Variants in LRRTM4 observed in about 807,000 individuals in gnomAD.
LRRTM4 encodes the protein leucine-rich repeat transmembrane neuronal protein 4.
A neutral mutation model predicts 47.6 loss-of-function variants in LRRTM4; 25 were observed. The ratio of observed to expected loss-of-function variants is 0.53; its 90% CI spans 0.38 to 0.73. The LOEUF (loss-of-function observed/expected upper bound fraction) is 0.73, where lower values mean the gene tolerates loss of function less well. Among genes scored for constraint, LRRTM4 ranks in the 30% least tolerant of loss-of-function variants. The pLI is 0.00. For synonymous variants in LRRTM4, 311 were observed against 269.5 expected (o/e 1.15, Z -1.51); for missense variants, 638 against 713.4 (o/e 0.89, Z 1.20).
At chr2:76,985,638 TTTG>T (rs2103976948) in intron 3 of LRRTM4, among the ~76,000 whole-genome samples, 1 of 152,114 alleles carries the variant, frequency 6.6e-6, no homozygotes, top group Non-Finnish European at 1.5e-5. Context: ...ATTTGAAGTT[TTTG>T]TTAAGGAATC....
At chr2:77,104,948 A>C (rs1247057371) in intron 3 of LRRTM4, among the ~76,000 whole-genome samples, 1 of 152,178 alleles carries the variant, frequency 6.6e-6, no homozygotes, top group Non-Finnish European at 1.5e-5. Context: ...CAAGATTGTT[A>C]AACATTTCAA....
At chr2:76,926,741 C>T (rs1403187652) in intron 3 of LRRTM4, among the ~76,000 whole-genome samples, 1 of 152,158 alleles carries the variant, frequency 6.6e-6, no homozygotes, top group Admixed American at 6.6e-5. Context: ...ATGCCAGCCA[C>T]TCTTTCTTGG....
intron 3 of LRRTM4, among the ~76,000 whole-genome samples, chr2:77,446,530 A>C (rs1676059193): frequency 6.6e-6 from 1 of 152,122 alleles, no homozygotes; most frequent in Non-Finnish European, 1.5e-5. Flanking sequence ...CAACTAACTT[A>C]GTACCATCAG....
chr2:77,069,774 T>G (rs1418452853), intron 3 of LRRTM4, among the ~76,000 whole-genome samples: 1 of 152,178 alleles, frequency 6.6e-6, no homozygotes, highest in Non-Finnish European at 1.5e-5. Flanking sequence ...GCTTTCTAGA[T>G]TCTCTGGAAT....
chr2:77,037,205 G>T (rs1424659915), intron 3 of LRRTM4, among the ~76,000 whole-genome samples: 1 of 151,858 alleles, frequency 6.6e-6, no homozygotes, highest in South Asian at 2.1e-4. Flanking sequence ...TATACAGAGA[G>T]AGAATATGGG....
chr2:76,787,613 A>G lies in LRRTM4; in HGVS notation c.1552-38697T>C, dbSNP rs1001878855. 1.3e-5 allele frequency among the ~76,000 whole-genome samples: 2 copies of G among 151,890 alleles called. 1 individual carries two copies. The highest frequency in any genetic ancestry group is 4.8e-5 in the African/African-American group (2 of 41,362). On this transcript the variant is annotated intron_variant, in intron 3 of 3. Coordinates refer to ENST00000409884, the MANE Select transcript of LRRTM4 (RefSeq NM_001134745.3). ...AGTGTTTTGGTTAAATTGAAAAAAT[A>G]TTTTCTATTTTGTGAGGATTATTAT...
intron 3 of LRRTM4, among the ~76,000 whole-genome samples, chr2:77,331,163 A>T (rs913657905): frequency 1.3e-5 from 2 of 152,140 alleles, no homozygotes; most frequent in Non-Finnish European, 1.5e-5. Flanking sequence ...GTTTCTTCTT[A>T]TTCTATTTTT....
At chr2:77,170,347 T>C (rs1442774020) in intron 3 of LRRTM4, among the ~76,000 whole-genome samples, 1 of 152,144 alleles carries the variant, frequency 6.6e-6, no homozygotes, top group Non-Finnish European at 1.5e-5. Flanking sequence ...ATAAACTTTA[T>C]GTAAAAATCA....
intron 3 of LRRTM4, among the ~76,000 whole-genome samples, chr2:76,811,327 A>C (rs955474746): frequency 6.6e-6 from 1 of 152,166 alleles, no homozygotes; most frequent in South Asian, 2.1e-4. Flanking sequence ...TATTTTATCC[A>C]ATTATGTAGT....
chr2:76,974,200 ATATATATATAC>A, intron 3 of LRRTM4, among the ~76,000 whole-genome samples: 1 of 43,712 alleles, frequency 2.3e-5, no homozygotes. Flanking sequence ...ATATATACAT[ATATATATATAC>A]ACATATATAT....
At chr2:77,469,685 T>C (rs1012502998) in intron 3 of LRRTM4, among the ~76,000 whole-genome samples, 2 of 152,084 alleles carry the variant, frequency 1.3e-5, no homozygotes, top group South Asian at 2.1e-4. Context: ...GAAAGGAAGA[T>C]GATTGAATTT....
chr2:76,974,406 G>T (rs1676347576), intron 3 of LRRTM4, among the ~76,000 whole-genome samples: 3 of 150,366 alleles, frequency 2.0e-5, no homozygotes, highest in Non-Finnish European at 3.0e-5. Context: ...AACACTAAAA[G>T]GTTTGAAACT....
At chr2:77,343,595 A>G (rs1393015154) in intron 3 of LRRTM4, among the ~76,000 whole-genome samples, 1 of 151,864 alleles carries the variant, frequency 6.6e-6, no homozygotes, top group Non-Finnish European at 1.5e-5. Context: ...AAAGGATATC[A>G]ATTATTATAG....
chr2:77,221,179 C>G (rs946753071), intron 3 of LRRTM4, among the ~76,000 whole-genome samples: 3 of 152,140 alleles, frequency 2.0e-5, no homozygotes, highest in East Asian at 1.9e-4. Context: ...ACCACCAGGC[C>G]TGCCCTAAAA....
chr2:77,097,661 C>T (rs1392403135), intron 3 of LRRTM4, among the ~76,000 whole-genome samples: 2 of 151,912 alleles, frequency 1.3e-5, no homozygotes, highest in Non-Finnish European at 2.9e-5. Flanking sequence ...ATGTAACATA[C>T]AAATTCATGA....
At chr2:76,913,449 T>C (rs11903703) in intron 3 of LRRTM4, among the ~76,000 whole-genome samples, 3,586 of 152,144 alleles carry the variant, frequency 0.024, 143 homozygotes, top group African/African-American at 0.075. Flanking sequence ...AACCTTTACA[T>C]TGAAAATGTT....
intron 3 of LRRTM4, among the ~76,000 whole-genome samples, chr2:76,830,808 G>GTCT (rs1480858930): frequency 7.9e-5 from 12 of 151,956 alleles, no homozygotes; most frequent in Admixed American, 3.3e-4. Context: ...AAGTAGAGCA[G>GTCT]GTGAGACATT....
At chr2:76,862,450 G>T (rs1672340737) in intron 3 of LRRTM4, among the ~76,000 whole-genome samples, 1 of 151,856 alleles carries the variant, frequency 6.6e-6, no homozygotes, top group South Asian at 2.1e-4. Context: ...AGTGTTAAAA[G>T]CCAGCTGTCA....
intron 3 of LRRTM4, among the ~76,000 whole-genome samples, chr2:77,455,113 G>A (rs995878790): frequency 2.0e-5 from 3 of 152,078 alleles, no homozygotes; most frequent in Non-Finnish European, 2.9e-5. Flanking sequence ...TCTTGACCCT[G>A]GGAGGCAGAG....
Sources: allele counts gnomAD v4.1 joint callset (sites outside exome capture counted in the v4.1 genomes callset), GRCh38; gene constraint gnomAD v4.1.1; transcripts MANE v1.5; gene names NCBI Gene and HGNC (gene_info 2026-07-23, HGNC 2026-07-21).